The following DOCK3 variants were observed in gnomAD, a reference collection of about 807,000 sequenced individuals.
The protein encoded by DOCK3 is dedicator of cytokinesis protein 3.
A neutral mutation model predicts 265.6 loss-of-function variants in DOCK3; 60 were observed. That is an observed-to-expected ratio of 0.23 (90% CI 0.18 to 0.28). The LOEUF is 0.28. DOCK3 is among the 10% of genes least tolerant of loss of function. The pLI is 1.00. For missense variants in DOCK3, 1,981 were observed against 2,594.3 expected (o/e 0.76, Z 5.14); for synonymous variants, 881 against 938.0 (o/e 0.94, Z 1.11).
chr3:50,780,276 A>C (rs1291505204), intron 2 of DOCK3, among the ~76,000 whole-genome samples: 3 of 152,218 alleles, frequency 2.0e-5, no homozygotes, highest in Admixed American at 6.5e-5. Flanking sequence ...AAGAGTTTTC[A>C]CTGAGATCTA....
intron 28 of DOCK3, among the ~76,000 whole-genome samples, chr3:51,311,045 A>G (rs1006969836): frequency 1.3e-5 from 2 of 152,216 alleles, no homozygotes; most frequent in South Asian, 2.1e-4. Flanking sequence ...CCAAAATACA[A>G]ATGTTTTATA....
intron 1 of DOCK3, among the ~76,000 whole-genome samples, chr3:50,747,870 A>G (rs2039547508): frequency 2.8e-5 from 2 of 72,098 alleles, no homozygotes; most frequent in Admixed American, 2.1e-4. Flanking sequence ...TCTGAAAAAA[A>G]AAAGGGGGGG....
chr3:51,051,546 A>G (rs559850432), intron 5 of DOCK3, among the ~76,000 whole-genome samples: 1 of 152,262 alleles, frequency 6.6e-6, no homozygotes, highest in African/African-American at 2.4e-5. Context: ...CTTTTTGTAA[A>G]GGGGTGAGCA....
At chr3:51,283,673 C>A (rs2081259175) in intron 27 of DOCK3, among the ~76,000 whole-genome samples, 1 of 152,048 alleles carries the variant, frequency 6.6e-6, no homozygotes, top group African/African-American at 2.4e-5. Context: ...CCCCAGCTCA[C>A]CCTAGTGATA....
chr3:50,734,689 G>T (rs1194856021), intron 1 of DOCK3, among the ~76,000 whole-genome samples: 1 of 133,776 alleles, frequency 7.5e-6, no homozygotes, highest in Non-Finnish European at 1.5e-5. Context: ...TGCAAGCTCC[G>T]CCTCCTGGGT....
At chr3:51,181,220 G>A (rs2087273872) in intron 12 of DOCK3, among the ~76,000 whole-genome samples, 1 of 151,982 alleles carries the variant, frequency 6.6e-6, no homozygotes, top group African/African-American at 2.4e-5. Flanking sequence ...CATGTGCCAT[G>A]TTGGTGTGCT....
chr3:50,856,183 T>C (rs977951464), intron 3 of DOCK3, among the ~76,000 whole-genome samples: 6 of 152,234 alleles, frequency 3.9e-5, no homozygotes, highest in African/African-American at 1.4e-4. Context: ...TGATTTATAT[T>C]ACTTTGGGTA....
intron 3 of DOCK3, among the ~76,000 whole-genome samples, chr3:50,847,315 A>G (rs532686313): frequency 6.6e-6 from 1 of 152,152 alleles, no homozygotes; most frequent in East Asian, 1.9e-4. Context: ...TCCTGTTTTT[A>G]TTCCATTGTG....
At chr3:50,695,622 G>C (rs2035565112) in intron 1 of DOCK3, among the ~76,000 whole-genome samples, 1 of 152,164 alleles carries the variant, frequency 6.6e-6, no homozygotes, top group Non-Finnish European at 1.5e-5. Flanking sequence ...GAGACTCAAA[G>C]AGCGCTAAGC....
At chr3:51,283,880 C>T (rs1342532748) in intron 27 of DOCK3, among the ~76,000 whole-genome samples, 2 of 152,198 alleles carry the variant, frequency 1.3e-5, no homozygotes, top group Non-Finnish European at 2.9e-5. Flanking sequence ...GGGCTTGATC[C>T]TCCTGAAACA....
chr3:51,197,848 G>A (rs1161396385), intron 12 of DOCK3, among the ~76,000 whole-genome samples: 1 of 152,184 alleles, frequency 6.6e-6, no homozygotes, highest in African/African-American at 2.4e-5. Flanking sequence ...TAGTCCCAAT[G>A]GGGCTTGCTC....
At chr3:51,023,448 C>T (rs565550255) in intron 5 of DOCK3, among the ~76,000 whole-genome samples, 9 of 152,226 alleles carry the variant, frequency 5.9e-5, no homozygotes, top group South Asian at 4.1e-4. Context: ...GACAGAGTCT[C>T]GCTCTGTTGT....
At chr3:50,813,295 A>G (rs748911106) in intron 2 of DOCK3, among the ~76,000 whole-genome samples, 5 of 152,216 alleles carry the variant, frequency 3.3e-5, no homozygotes, top group Non-Finnish European at 7.3e-5. Context: ...GCACTTTGGC[A>G]CACTGAGGCG....
intron 5 of DOCK3, among the ~76,000 whole-genome samples, chr3:50,974,855 C>T (rs1187971044): frequency 7.4e-6 from 1 of 135,662 alleles, no homozygotes; most frequent in African/African-American, 2.7e-5. Flanking sequence ...AGGTCCTTCA[C>T]ATCCCTTGTA....
At chr3:51,249,902 G>T (rs2079104613) in intron 22 of DOCK3, among the ~76,000 whole-genome samples, 1 of 148,796 alleles carries the variant, frequency 6.7e-6, no homozygotes, top group Admixed American at 6.7e-5. Flanking sequence ...AAGTAGACAT[G>T]GGAGACTTTT....
At chr3:51,066,622 A>C (rs2081599815) in intron 6 of DOCK3, among the ~76,000 whole-genome samples, 1 of 152,214 alleles carries the variant, frequency 6.6e-6, no homozygotes, top group Non-Finnish European at 1.5e-5. Context: ...GGGATGCACG[A>C]AAGTTCCCTC....
At chr3:51,318,811 T>A (rs190383232) in intron 32 of DOCK3, among the ~76,000 whole-genome samples, 149 of 152,274 alleles carry the variant, frequency 9.8e-4, no homozygotes, top group African/African-American at 3.4e-3. Context: ...ATGTTCCACT[T>A]TGTTTATATA....
chr3:51,039,804 G>A (rs2080408298), intron 5 of DOCK3, among the ~76,000 whole-genome samples: 1 of 149,838 alleles, frequency 6.7e-6, no homozygotes, highest in African/African-American at 2.5e-5. Flanking sequence ...TTACCTTTGA[G>A]ATTCTTTCAT....
intron 9 of DOCK3, among the ~76,000 whole-genome samples, chr3:51,109,885 A>G (rs1487601468): frequency 2.6e-5 from 4 of 152,092 alleles, no homozygotes; most frequent in African/African-American, 4.8e-5. Flanking sequence ...GTAAGCCAAG[A>G]TCATACCACT....
Sources: allele counts gnomAD v4.1 joint callset (sites outside exome capture counted in the v4.1 genomes callset), GRCh38; gene constraint gnomAD v4.1.1; transcripts MANE v1.5; gene names NCBI Gene and HGNC (gene_info 2026-07-23, HGNC 2026-07-21).